SLC35F3: variants seen among roughly 807,000 people sequenced by gnomAD.
SLC35F3 encodes the protein putative thiamine transporter SLC35F3.
In SLC35F3, 25 loss-of-function variants were observed where a neutral mutation model predicts 49.9. The ratio of observed to expected loss-of-function variants is 0.50; its 90% CI spans 0.37 to 0.70. The LOEUF (loss-of-function observed/expected upper bound fraction) is 0.70, where lower values mean the gene tolerates loss of function less well. SLC35F3 is among the 30% of genes least tolerant of loss of function. The pLI is 0.00. For synonymous variants in SLC35F3, 275 were observed against 265.4 expected (o/e 1.04, Z -0.35); for missense variants, 525 against 639.8 (o/e 0.82, Z 1.94).
At chr1:233,930,460 A>T (rs1308880423) in intron 2 of SLC35F3, among the ~76,000 whole-genome samples, 2 of 152,170 alleles carry the variant, frequency 1.3e-5, no homozygotes, top group African/African-American at 4.8e-5. Context: ...ACTATTGAAC[A>T]ATTTATTCAT....
chr1:233,905,171 G>A, intron 1 of SLC35F3, 41 bp downstream of exon 1: 1 of 1,547,576 alleles, frequency 6.5e-7, no homozygotes, highest in Non-Finnish European at 8.7e-7. Flanking sequence ...GCCGGCGGGC[G>A]GGAGGCCGGA....
chr1:234,144,982 T>C (rs752081766), intron 2 of SLC35F3, among the ~76,000 whole-genome samples: 2 of 152,154 alleles, frequency 1.3e-5, no homozygotes, highest in Admixed American at 6.5e-5. Flanking sequence ...ATAATCATCT[T>C]CTCCGCAGCA....
In SLC35F3 at chr1:234,027,481, C is replaced by G. The variant is rs1663995809; in HGVS notation, c.283+121723C>G. On this transcript the variant is annotated intron_variant, in intron 2 of 7. Transcript: ENST00000366618. This position sits in a 1 kb window ranked among gnomAD's most constrained non-coding sequence, Gnocchi z 4.1. ...GAGGGGACACACATTCAAACCACAG[C>G]GATTAACTTTCAATTTCAGTCCATT... Among the ~76,000 whole-genome samples the G allele has an allele frequency of 6.6e-6, 1 of 152,116 alleles. No individual in the cohort carries two copies.
At chr1:234,187,583 T>C (rs891429670) in intron 2 of SLC35F3, among the ~76,000 whole-genome samples, 3 of 152,128 alleles carry the variant, frequency 2.0e-5, no homozygotes, top group African/African-American at 7.2e-5. Context: ...CCAAATACTG[T>C]GCATGCCCAA....
At chr1:234,025,301 G>C (rs896545211) in intron 2 of SLC35F3, among the ~76,000 whole-genome samples, 7 of 152,196 alleles carry the variant, frequency 4.6e-5, no homozygotes, top group African/African-American at 1.7e-4. Flanking sequence ...TGTCCTTTTG[G>C]CAGAATGATT....
At chr1:234,224,909 A>G (rs1040699009) in intron 2 of SLC35F3, among the ~76,000 whole-genome samples, 6 of 152,220 alleles carry the variant, frequency 3.9e-5, no homozygotes, top group Non-Finnish European at 7.3e-5. Context: ...TTAATTCTCC[A>G]TACTATCTCC....
intron 2 of SLC35F3, among the ~76,000 whole-genome samples, chr1:233,984,669 TC>T: frequency 6.6e-6 from 1 of 152,308 alleles, no homozygotes; most frequent in East Asian, 1.9e-4. Flanking sequence ...TGTCTCTGGC[TC>T]GTGAGTGTGA....
chr1:234,232,212 G>T (rs1396127781), intron 3 of SLC35F3, among the ~76,000 whole-genome samples: 6 of 152,240 alleles, frequency 3.9e-5, no homozygotes, highest in South Asian at 4.1e-4. Flanking sequence ...CCCCCTTCGC[G>T]TATGTAATTG....
intron 3 of SLC35F3, among the ~76,000 whole-genome samples, chr1:234,234,362 G>C (rs1667430166): frequency 6.6e-6 from 1 of 152,272 alleles, no homozygotes; most frequent in South Asian, 2.1e-4. Context: ...CGCTTCCCCA[G>C]GGTGAAGCCG....
At chr1:234,114,892 C>T (rs1665462146) in intron 2 of SLC35F3, among the ~76,000 whole-genome samples, 1 of 151,120 alleles carries the variant, frequency 6.6e-6, no homozygotes, top group East Asian at 1.9e-4. Context: ...CATTTTGCCA[C>T]ATGTTGGTGG....
intron 2 of SLC35F3, among the ~76,000 whole-genome samples, chr1:233,984,250 C>A (rs1209956411): frequency 2.0e-5 from 3 of 152,218 alleles, no homozygotes; most frequent in Admixed American, 2.0e-4. Context: ...GGGCTAAAAC[C>A]CAAGAAAAGC....
intron 3 of SLC35F3, among the ~76,000 whole-genome samples, chr1:234,299,823 A>AAG (rs1553262673): frequency 1.3e-5 from 2 of 150,414 alleles, no homozygotes; most frequent in East Asian, 3.9e-4. Context: ...AAAAAAAAAA[A>AAG]AGAGAAGAAA....
chr1:233,998,597 A>C (rs1663500509), intron 2 of SLC35F3, among the ~76,000 whole-genome samples: 1 of 151,622 alleles, frequency 6.6e-6, no homozygotes, highest in African/African-American at 2.4e-5. Flanking sequence ...AGCCCTATCA[A>C]AAAGAACAGT....
At chr1:234,053,209 C>G (rs934616850) in intron 2 of SLC35F3, among the ~76,000 whole-genome samples, 18 of 152,098 alleles carry the variant, frequency 1.2e-4, no homozygotes, top group Non-Finnish European at 2.5e-4. Flanking sequence ...CTTTCTGTCT[C>G]GTTGATCTGT....
intron 6 of SLC35F3, among the ~76,000 whole-genome samples, chr1:234,319,483 G>A (rs541416558): frequency 5.9e-5 from 9 of 152,146 alleles, no homozygotes; most frequent in East Asian, 1.9e-4. Context: ...TGGGAGGATC[G>A]CTTGAGCCCA....
Position 234,064,099 on chromosome 1 carries a change from T to A in SLC35F3, c.283+158341T>A, listed in dbSNP as rs143008824. 4.1e-4 allele frequency among the ~76,000 whole-genome samples: 63 copies of A among 152,270 alleles called. No individual in the cohort carries two copies. In the East Asian group the frequency reaches 0.011, roughly 27 times the overall value. On this transcript the variant is annotated intron_variant, in intron 2 of 7. Transcript: ENST00000366618. The stretch of plus-strand genomic sequence containing the variant: ...ATGCTGGAAGTAGATATCTAAACAT[T>A]TGGATTTTTTGGTGGGGGGGACTGT...
At chr1:234,036,909 A>G (rs6659224) in intron 2 of SLC35F3, among the ~76,000 whole-genome samples, 1,649 of 152,326 alleles carry the variant, frequency 0.011, 7 homozygotes, top group Non-Finnish European at 0.018. Flanking sequence ...GTCATTTATT[A>G]TAAGTAAGTA....
chr1:234,148,997 T>C (rs1666034987), intron 2 of SLC35F3, among the ~76,000 whole-genome samples: 1 of 152,164 alleles, frequency 6.6e-6, no homozygotes, highest in African/African-American at 2.4e-5. Context: ...CTATTTAGTA[T>C]ATGTGAAGTT....
intron 2 of SLC35F3, among the ~76,000 whole-genome samples, chr1:234,067,624 T>A (rs1664641375): frequency 6.6e-6 from 1 of 152,122 alleles, no homozygotes; most frequent in South Asian, 2.1e-4. Flanking sequence ...GAAGCTTGGG[T>A]TGTCCTCCTG....
Sources: allele counts gnomAD v4.1 joint callset (sites outside exome capture counted in the v4.1 genomes callset), GRCh38; gene constraint gnomAD v4.1.1; non-coding constraint Gnocchi (gnomAD v3.1); transcripts MANE v1.5; gene names NCBI Gene and HGNC (gene_info 2026-07-23, HGNC 2026-07-21).